The following FBXL7 variants were observed in gnomAD, a reference collection of about 807,000 sequenced individuals.
FBXL7 encodes the protein F-box/LRR-repeat protein 7.
Under a neutral mutation model 38.3 loss-of-function variants are expected in FBXL7, and 12 were observed. The ratio of observed to expected loss-of-function variants is 0.31; its 90% confidence interval spans 0.20 to 0.51. The LOEUF (loss-of-function observed/expected upper bound fraction) is 0.51. Ranked by LOEUF, FBXL7 falls within the 20% of genes least tolerant of loss-of-function variation. FBXL7 has a pLI of 0.98. For missense variants in FBXL7, 567 were observed against 676.4 expected (o/e 0.84, Z 1.79); for synonymous variants, 297 against 300.9 (o/e 0.99, Z 0.13).
At chr5:15,501,931 GT>G (rs546310381) in intron 1 of FBXL7, among the ~76,000 whole-genome samples, 220 of 135,100 alleles carry the variant, frequency 1.6e-3, no homozygotes, top group African/African-American at 1.7e-3. Flanking sequence ...AGTGATTTGA[GT>G]TTTTTTTTTT....
chr5:15,854,896 T>C (rs1210063469), intron 2 of FBXL7, among the ~76,000 whole-genome samples: 2 of 152,170 alleles, frequency 1.3e-5, no homozygotes, highest in African/African-American at 4.8e-5. Context: ...AAAAAACAGA[T>C]GCTATTCCCT....
At chr5:15,631,235 T>G (rs939686350) in intron 2 of FBXL7, among the ~76,000 whole-genome samples, 1 of 152,186 alleles carries the variant, frequency 6.6e-6, no homozygotes, top group Admixed American at 6.5e-5. Flanking sequence ...TGAATTCAAT[T>G]CAGTTATATA....
rs575467512 is a variant in FBXL7, at chr5:15,612,213, T to C, written c.38-3770T>C. Among the ~76,000 whole-genome samples, 19 of 133,316 alleles carry C rather than the reference T, an allele frequency of 1.4e-4. No homozygotes were observed. The East Asian group carries it at 4.6e-3, about 33-fold the overall frequency. 87.5% of individuals were successfully genotyped at this position (133,316 alleles called of 152,430 possible). On this transcript the variant is annotated intron_variant, in intron 1 of 3. Coordinates refer to ENST00000504595, the MANE Select transcript of FBXL7 (RefSeq NM_012304.5). ...TGTAGTGTTGCGATTTCACTGGGGG[T>C]GGGGTACTTAGGGAAAAAAAGTCTA...
At chr5:15,633,295 G>C (rs1401735178) in intron 2 of FBXL7, among the ~76,000 whole-genome samples, 1 of 152,088 alleles carries the variant, frequency 6.6e-6, no homozygotes, top group Non-Finnish European at 1.5e-5. Flanking sequence ...TTGGCCATTT[G>C]TTCTTAGAAT....
At chr5:15,650,503 A>G (rs1273535836) in intron 2 of FBXL7, among the ~76,000 whole-genome samples, 2 of 152,174 alleles carry the variant, frequency 1.3e-5, no homozygotes, top group Non-Finnish European at 2.9e-5. Flanking sequence ...ATTTCTTAGA[A>G]TAAGACAACA....
intron 2 of FBXL7, among the ~76,000 whole-genome samples, chr5:15,660,857 A>G (rs1432061390): frequency 6.6e-6 from 1 of 152,210 alleles, no homozygotes; most frequent in Non-Finnish European, 1.5e-5. Flanking sequence ...AGGTCCTTCC[A>G]GTAATCTAAC....
At chr5:15,586,773 A>C (rs989275446) in intron 1 of FBXL7, among the ~76,000 whole-genome samples, 8 of 152,212 alleles carry the variant, frequency 5.3e-5, no homozygotes, top group African/African-American at 1.9e-4. Context: ...CATGACTGTA[A>C]ATCATCCTGG....
intron 1 of FBXL7, among the ~76,000 whole-genome samples, chr5:15,555,571 C>T (rs1299997035): frequency 6.6e-6 from 1 of 152,138 alleles, no homozygotes; most frequent in Non-Finnish European, 1.5e-5. Flanking sequence ...CCCTTAGACA[C>T]AGTTGCTGTC....
intron 2 of FBXL7, among the ~76,000 whole-genome samples, chr5:15,619,520 T>C (rs1435066558): frequency 6.6e-6 from 1 of 152,212 alleles, no homozygotes; most frequent in African/African-American, 2.4e-5. Flanking sequence ...GTTTAACCTT[T>C]GATGTTAAGA....
At chr5:15,569,590 C>T (rs1379364554) in intron 1 of FBXL7, among the ~76,000 whole-genome samples, 18 of 151,406 alleles carry the variant, frequency 1.2e-4, no homozygotes, top group African/African-American at 1.9e-4. Flanking sequence ...ATTTCCTTCT[C>T]CTGCCTAATT....
At chr5:15,642,379 A>G (rs1319942114) in intron 2 of FBXL7, among the ~76,000 whole-genome samples, 2 of 152,218 alleles carry the variant, frequency 1.3e-5, no homozygotes, top group Non-Finnish European at 2.9e-5. Flanking sequence ...AGCAATTTCC[A>G]AGGGTCCCAG....
At chr5:15,519,187 TA>T (rs915797662) in intron 1 of FBXL7, among the ~76,000 whole-genome samples, 23 of 151,876 alleles carry the variant, frequency 1.5e-4, no homozygotes, top group Non-Finnish European at 3.2e-4. Flanking sequence ...CTACTAAAAA[TA>T]AAAAAATTAG....
chr5:15,739,607 G>T (rs1236441112), intron 2 of FBXL7, among the ~76,000 whole-genome samples: 1 of 152,062 alleles, frequency 6.6e-6, no homozygotes, highest in African/African-American at 2.4e-5. Flanking sequence ...CTGTAGATTT[G>T]CCTATTCTGG....
chr5:15,580,740 A>G lies in FBXL7; in HGVS notation c.38-35243A>G, dbSNP rs1277448242. 24 of 985,380 alleles carry G rather than the reference A, an allele frequency of 2.4e-5. 1 individual carries two copies. The highest frequency in any genetic ancestry group is 2.9e-5 in the Non-Finnish European group (24 of 829,926). The allele number at this position is 985,380 out of a possible 1,614,324, so 61.0% of individuals were successfully genotyped here. Reference sequence around the variant, plus strand: ...GAGGTGGTGAGCCTGAAGATCTCACAAGCTTCCCTCCTGGTGTGTGTTTCC... The same window carrying G: ...GAGGTGGTGAGCCTGAAGATCTCACGAGCTTCCCTCCTGGTGTGTGTTTCC... On this transcript the variant is annotated intron_variant, in intron 1 of 3. Coordinates refer to ENST00000504595, the MANE Select transcript of FBXL7 (RefSeq NM_012304.5).
At position 15,937,020 on chromosome 5, in the gene FBXL7, C is replaced by T; in HGVS notation, c.1310C>T (p.Ser437Phe). 1.2e-6 allele frequency: 2 copies of T among 1,614,032 alleles called. No homozygotes were observed. Among genetic ancestry groups the T allele is most frequent in the Non-Finnish European group, 1.7e-6 (2 of 1,179,890 alleles). The change falls in exon 4 of 4, where the codon TCC (serine) becomes TTC (phenylalanine). Residue 437 changes from serine (S) to phenylalanine (F), a missense_variant. Coordinates refer to ENST00000504595, the MANE Select transcript of FBXL7 (RefSeq NM_012304.5). ...CFNLKRLSLK[S>F]CESITGQGLQ... ...AACCTCAAGCGGCTCAGCCTCAAGT[C>T]CTGCGAGAGCATCACCGGCCAGGGC...
At chr5:15,656,688 A>C (rs1741892858) in intron 2 of FBXL7, among the ~76,000 whole-genome samples, 1 of 152,072 alleles carries the variant, frequency 6.6e-6, no homozygotes, top group Admixed American at 6.6e-5. Context: ...TTGTTTTGTA[A>C]ATAGTAGGTT....
At chr5:15,583,491 G>GT (rs1444600216) in intron 1 of FBXL7, among the ~76,000 whole-genome samples, 11 of 151,998 alleles carry the variant, frequency 7.2e-5, no homozygotes, top group Non-Finnish European at 1.6e-4. Flanking sequence ...TACAATGGGG[G>GT]TGCAGGCATT....
chr5:15,573,841 A>G (rs1333247616), intron 1 of FBXL7, among the ~76,000 whole-genome samples: 1 of 152,220 alleles, frequency 6.6e-6, no homozygotes, highest in African/African-American at 2.4e-5. Flanking sequence ...ACTATCATAA[A>G]TGTAGATGAT....
chr5:15,599,360 T>G (rs956513957), intron 1 of FBXL7, among the ~76,000 whole-genome samples: 3 of 152,176 alleles, frequency 2.0e-5, no homozygotes, highest in Non-Finnish European at 2.9e-5. Context: ...TGTGTTTGTA[T>G]GTGTGTGTAT....
Sources: allele counts gnomAD v4.1 joint callset (sites outside exome capture counted in the v4.1 genomes callset), GRCh38; gene constraint gnomAD v4.1.1; transcripts MANE v1.5; gene names NCBI Gene and HGNC (gene_info 2026-07-23, HGNC 2026-07-21).